DENND2B: variants seen among roughly 807,000 people sequenced by gnomAD.
The protein encoded by DENND2B is DENN domain-containing protein 2B.
DENND2B carries 32 observed loss-of-function variants against 116.0 expected under a neutral mutation model. The ratio of observed to expected loss-of-function variants is 0.28; its 90% confidence interval spans 0.21 to 0.37. The LOEUF (loss-of-function observed/expected upper bound fraction) is 0.37, where lower values mean the gene tolerates loss of function less well. Ranked by LOEUF, DENND2B falls within the 10% of genes least tolerant of loss-of-function variation. The pLI is 1.00. For missense variants in DENND2B, 1,276 were observed against 1,477.7 expected, an observed-to-expected ratio of 0.86 and a Z score of 2.24; for synonymous variants, 588 against 583.9, an observed-to-expected ratio of 1.01 and a Z score of -0.10.
intron 3 of DENND2B, among the ~76,000 whole-genome samples, chr11:8,855,579 T>C (rs1026538856): frequency 6.6e-6 from 1 of 151,850 alleles, no homozygotes; most frequent in Non-Finnish European, 1.5e-5. Flanking sequence ...CCAAGTGCTG[T>C]GCACCCTGTA....
chr11:8,699,952 C>CCAAGAACAAGACCTTGGGA, intron 14 of DENND2B: 1 of 456,310 alleles, frequency 2.2e-6, no homozygotes, highest in Non-Finnish European at 4.4e-6. Context: ...CCCGGCCAGG[C>CCAAGAACAAGACCTTGGGA]CAAGAACAAG....
chr11:8,798,975 C>T (rs1017966483), intron 1 of DENND2B, among the ~76,000 whole-genome samples: 2 of 151,900 alleles, frequency 1.3e-5, no homozygotes, highest in African/African-American at 4.8e-5. Context: ...TTACAGGCAC[C>T]GGCCACCACA....
chr11:8,747,638 T>C (rs553871889), intron 2 of DENND2B, among the ~76,000 whole-genome samples: 1 of 152,180 alleles, frequency 6.6e-6, no homozygotes, highest in Non-Finnish European at 1.5e-5. Flanking sequence ...TGAGCTGAAA[T>C]GGGAACAGCC....
At chr11:8,819,578 C>T (rs1293942515) in intron 4 of DENND2B, among the ~76,000 whole-genome samples, 1 of 152,204 alleles carries the variant, frequency 6.6e-6, no homozygotes, top group Non-Finnish European at 1.5e-5. Context: ...ACACCACGTA[C>T]CCCGATACCA....
At chr11:8,861,036 CG>C (rs2063372666) in intron 2 of DENND2B, among the ~76,000 whole-genome samples, 1 of 151,670 alleles carries the variant, frequency 6.6e-6, no homozygotes, top group African/African-American at 2.4e-5. Flanking sequence ...AAAATTAACT[CG>C]AGATGGATCA....
chr11:8,742,219 C>A (rs2050349530), intron 2 of DENND2B, among the ~76,000 whole-genome samples: 1 of 152,158 alleles, frequency 6.6e-6, no homozygotes, highest in African/African-American at 2.4e-5. Flanking sequence ...GTCTTTTTAG[C>A]CAAGGCAGAC....
rs769848768 is a variant in DENND2B, at chr11:8,711,129, A to G, written c.2275T>C (p.Tyr759His). 1 of 1,613,946 alleles carries G rather than the reference A, an allele frequency of 6.2e-7. No individual in the cohort carries two copies. Among genetic ancestry groups the G allele is most frequent in the Admixed American group, 1.7e-5 (1 of 60,018 alleles). ...GGCCAGGCCAGGCCTCACCTGCTATACTCTGACACAGGAAGCCAGTCCTTG... is the reference window on the plus strand; with the variant it reads ...GGCCAGGCCAGGCCTCACCTGCTATGCTCTGACACAGGAAGCCAGTCCTTG... The part of the protein sequence containing the change: ...DAKDWLPVSE[Y>H]SSETFSFMLT... The change falls in exon 10 of 20, where the codon TAT (tyrosine) becomes CAT (histidine). Residue 759 changes from tyrosine (Y) to histidine (H), a missense_variant. Around this residue, in one of 2 missense-constraint regions of DENND2B, gnomAD observed 420 missense variants for 631.1 expected, o/e 0.67. Transcript: ENST00000313726.
intron 1 of DENND2B, chr11:8,768,676 C>T (rs1334885780): frequency 6.6e-6 from 1 of 152,246 alleles, no homozygotes; most frequent in Non-Finnish European, 1.5e-5. Context: ...CTTATACTTT[C>T]TCCCTTTTCC....
At chr11:8,889,875 G>A (rs2064007072) in intron 1 of DENND2B, among the ~76,000 whole-genome samples, 1 of 152,190 alleles carries the variant, frequency 6.6e-6, no homozygotes, top group Non-Finnish European at 1.5e-5. Flanking sequence ...GTCCCTGTCT[G>A]GCAGCTTTGA....
At chr11:8,880,349 GTGTGTGTGT>G (rs1566079960) in intron 2 of DENND2B, among the ~76,000 whole-genome samples, 12 of 149,986 alleles carry the variant, frequency 8.0e-5, no homozygotes, top group East Asian at 3.9e-4. Context: ...TTTGAACTGT[GTGTGTGTGT>G]GTGTGTGTGT....
At chr11:8,873,044 T>A (rs995022755), upstream of DENND2B, among the ~76,000 whole-genome samples, 1 of 152,184 alleles carries the variant, frequency 6.6e-6, no homozygotes, top group Non-Finnish European at 1.5e-5. Context: ...ACAAGAGAAC[T>A]CATGAATGTA....
chr11:8,853,081 C>T (rs893009126), intron 3 of DENND2B, among the ~76,000 whole-genome samples: 1 of 152,036 alleles, frequency 6.6e-6, no homozygotes, highest in Non-Finnish European at 1.5e-5. Flanking sequence ...AAAGAAGCTT[C>T]GGCCAGGCGC....
At chr11:8,774,679 T>A (rs1211614065) in intron 1 of DENND2B, among the ~76,000 whole-genome samples, 2 of 152,018 alleles carry the variant, frequency 1.3e-5, no homozygotes, top group Admixed American at 6.5e-5. Context: ...CACAGCAAGT[T>A]CCCCAAAACC....
upstream of DENND2B, among the ~76,000 whole-genome samples, chr11:8,815,584 C>T (rs2061541814): frequency 1.3e-5 from 2 of 152,224 alleles, no homozygotes; most frequent in African/African-American, 4.8e-5. Flanking sequence ...TCTCCTTCCC[C>T]CACTAACAAA....
intron 4 of DENND2B, among the ~76,000 whole-genome samples, chr11:8,835,324 A>G (rs2062377327): frequency 6.6e-6 from 1 of 152,172 alleles, no homozygotes; most frequent in African/African-American, 2.4e-5. Context: ...AAAGATGGAT[A>G]TCTGGGGGGA....
At chr11:8,886,618 C>T (rs1162546220) in intron 1 of DENND2B, among the ~76,000 whole-genome samples, 1 of 151,362 alleles carries the variant, frequency 6.6e-6, no homozygotes, top group Non-Finnish European at 1.5e-5. Flanking sequence ...ATCATAGACA[C>T]AACAAGCAGA....
At chr11:8,720,128 G>A (rs1265589517) in intron 4 of DENND2B, among the ~76,000 whole-genome samples, 4 of 152,122 alleles carry the variant, frequency 2.6e-5, no homozygotes, top group Non-Finnish European at 5.9e-5. Context: ...AGGGAGGCAG[G>A]AATGGAGGGA....
intron 2 of DENND2B, among the ~76,000 whole-genome samples, chr11:8,745,344 C>T (rs1188798538): frequency 1.3e-5 from 2 of 152,172 alleles, no homozygotes; most frequent in East Asian, 1.9e-4. Flanking sequence ...CATGAGCCAC[C>T]GCACCCGGCC....
chr11:8,700,938 C>T (rs921178047), intron 14 of DENND2B, among the ~76,000 whole-genome samples: 1 of 152,150 alleles, frequency 6.6e-6, no homozygotes, highest in African/African-American at 2.4e-5. Context: ...TCTCCTGCCT[C>T]AGCCTCCTGA....
Sources: gnomAD v4.1 joint callset for allele counts (sites outside exome capture counted in the v4.1 genomes callset) on GRCh38, gnomAD v4.1.1 for gene constraint, gnomAD v4.1.1 regional missense constraint, MANE v1.5 for transcripts, NCBI Gene and HGNC (gene_info 2026-07-23, HGNC 2026-07-21) for gene names.